Variants in TRPC5 observed in about 807,000 individuals in gnomAD.
TRPC5 encodes short transient receptor potential channel 5.
In TRPC5, 9 loss-of-function variants were observed where a neutral mutation model predicts 56.5. The ratio of observed to expected loss-of-function variants is 0.16; its 90% CI spans 0.10 to 0.28. The LOEUF is 0.28. TRPC5 is among the 10% of genes least tolerant of loss of function. The pLI is 1.00. For synonymous variants in TRPC5, 282 were observed against 278.5 expected (o/e 1.01, Z -0.13); for missense variants, 469 against 748.9 (o/e 0.63, Z 4.36).
chrX:111,819,698 G>A (rs1921974410), intron 7 of TRPC5, among the ~76,000 whole-genome samples: 2 of 111,730 alleles, frequency 1.8e-5, no homozygotes, highest in Admixed American at 1.9e-4. Flanking sequence ...GTCATAATGT[G>A]TGTTTTCTAA....
chrX:111,890,874 C>A (rs752204702), intron 3 of TRPC5, among the ~76,000 whole-genome samples: 8 of 111,226 alleles, frequency 7.2e-5, no homozygotes, highest in Non-Finnish European at 9.4e-5. Flanking sequence ...TCCTCCCACC[C>A]TCGACCCTCT....
At chrX:111,796,301 T>C (rs895384878) in intron 7 of TRPC5, among the ~76,000 whole-genome samples, 1 of 112,238 alleles carries the variant, frequency 8.9e-6, no homozygotes, top group Non-Finnish European at 1.9e-5. Context: ...TTAAAATAGC[T>C]GGTTTAGTCT....
rs1025295677 is a variant in TRPC5 at position 111,836,269 on chromosome X, G to A, written c.1701-1153C>T. ...AATAAAATGCAGCCAGTTCGTGGGT[G>A]GCAGAGATTAGCCATTGCCCAAGCC... On this transcript the variant is annotated intron_variant, in intron 6 of 10. Transcript: ENST00000262839. Among the ~76,000 whole-genome samples, 6 of 112,080 alleles carry A rather than the reference G, an allele frequency of 5.4e-5. No individual in the cohort carries two copies. In the Admixed American group the frequency reaches 5.7e-4, roughly 11 times the overall value.
chrX:111,881,271 G>C (rs1401990726), intron 3 of TRPC5, among the ~76,000 whole-genome samples: 1 of 109,946 alleles, frequency 9.1e-6, no homozygotes, highest in African/African-American at 3.3e-5. Context: ...CCACCTCCCG[G>C]GTTCAAGTGA....
intron 2 of TRPC5, among the ~76,000 whole-genome samples, chrX:111,923,577 T>C (rs2148625350): frequency 9.0e-6 from 1 of 110,897 alleles, no homozygotes; most frequent in South Asian, 3.8e-4. Flanking sequence ...ATTCCAAAAG[T>C]AAGGTCCACC....
At chrX:111,808,171 C>T (rs758948817) in intron 7 of TRPC5, among the ~76,000 whole-genome samples, 8 of 110,025 alleles carry the variant, frequency 7.3e-5, no homozygotes, top group Non-Finnish European at 1.1e-4. Context: ...GCTCTACAAT[C>T]GGCAGGTGGC....
chrX:111,848,000 A>G (rs1198025299), intron 5 of TRPC5, among the ~76,000 whole-genome samples: 3 of 111,660 alleles, frequency 2.7e-5, no homozygotes, highest in Non-Finnish European at 5.6e-5. Context: ...TTAGGGAGCC[A>G]TTCACTGGAG....
At chrX:112,037,856 T>C (rs1929788913) in intron 1 of TRPC5, among the ~76,000 whole-genome samples, 1 of 112,048 alleles carries the variant, frequency 8.9e-6, no homozygotes, top group Non-Finnish European at 1.9e-5. Flanking sequence ...GGGCCAACCT[T>C]CTACTGCAAA....
chrX:111,993,943 T>C (rs1202256009), intron 1 of TRPC5, among the ~76,000 whole-genome samples: 1 of 112,201 alleles, frequency 8.9e-6, no homozygotes, highest in Non-Finnish European at 1.9e-5. Flanking sequence ...TTTGTTGCCA[T>C]TGCTTTTGGT....
Position 111,901,847 on chromosome X carries a change from A to T in TRPC5, c.900+10444T>A. ...TTTTATCTATTTAGAAGAGCACTGC[A>T]GCATGGATTCTGTGTTAATTCATGT... On this transcript the variant is annotated intron_variant, in intron 3 of 10. Coordinates refer to ENST00000262839, the MANE Select transcript of TRPC5 (RefSeq NM_012471.3). The T allele has an allele frequency of 3.6e-6, 4 of 1,125,140 alleles. No individual in the cohort carries two copies. The South Asian group carries it at 6.3e-5, about 18-fold the overall frequency. 92.7% of individuals were successfully genotyped at this position (1,125,140 alleles called of 1,213,427 possible).
chrX:111,979,322 C>A (rs1264975829), intron 1 of TRPC5, among the ~76,000 whole-genome samples: 1 of 111,085 alleles, frequency 9.0e-6, no homozygotes, highest in Non-Finnish European at 1.9e-5. Context: ...AAACTTAATT[C>A]AAAATGGATC....
intron 1 of TRPC5, among the ~76,000 whole-genome samples, chrX:111,989,762 A>T (rs192928628): frequency 1.5e-3 from 164 of 112,498 alleles, no homozygotes; most frequent in African/African-American, 5.2e-3. Context: ...ACTGAACTGC[A>T]GTTAAAAGGA....
At chrX:111,905,178 C>T (rs955645187) in intron 3 of TRPC5, among the ~76,000 whole-genome samples, 1 of 110,084 alleles carries the variant, frequency 9.1e-6, no homozygotes. Context: ...TTTTTTTTTA[C>T]ATGAAAGCTA....
At chrX:111,802,930 T>C (rs769770977) in intron 7 of TRPC5, among the ~76,000 whole-genome samples, 1 of 110,915 alleles carries the variant, frequency 9.0e-6, no homozygotes, top group African/African-American at 3.3e-5. Context: ...GTTCAATACA[T>C]AGGTATACAT....
At chrX:112,037,433 G>A (rs938522626) in intron 1 of TRPC5, among the ~76,000 whole-genome samples, 1 of 111,952 alleles carries the variant, frequency 8.9e-6, no homozygotes, top group African/African-American at 3.2e-5. Context: ...TATCCGGCTT[G>A]TACTGGCTAC....
At chrX:111,840,185 C>A (rs1166735918) in intron 6 of TRPC5, among the ~76,000 whole-genome samples, 1 of 111,797 alleles carries the variant, frequency 8.9e-6, no homozygotes, top group Non-Finnish European at 1.9e-5. Flanking sequence ...AAAACAAAAA[C>A]AAAAACAAAA....
intron 7 of TRPC5, among the ~76,000 whole-genome samples, chrX:111,834,198 G>A (rs771709612): frequency 4.5e-5 from 5 of 112,310 alleles, no homozygotes; most frequent in African/African-American, 1.6e-4. Flanking sequence ...AAACACTGCT[G>A]ATCTAAATGG....
intron 3 of TRPC5, among the ~76,000 whole-genome samples, chrX:111,911,479 T>C (rs759623355): frequency 1.1e-3 from 119 of 112,365 alleles, no homozygotes; most frequent in East Asian, 2.3e-3. Flanking sequence ...TCTGGCTCCA[T>C]AGTCCCTGCT....
At chrX:112,061,559 C>T (rs1930459628) in intron 1 of TRPC5, among the ~76,000 whole-genome samples, 2 of 111,845 alleles carry the variant, frequency 1.8e-5, no homozygotes, top group South Asian at 7.5e-4. Context: ...GTCAGGAAGA[C>T]TCTGAGAGTC....
Sources: gnomAD v4.1 joint callset for allele counts (sites outside exome capture counted in the v4.1 genomes callset) on GRCh38, gnomAD v4.1.1 for gene constraint, MANE v1.5 for transcripts, NCBI Gene and HGNC (gene_info 2026-07-23, HGNC 2026-07-21) for gene names.